The following MIPOL1 variants were observed in gnomAD, a reference collection of about 807,000 sequenced individuals.
MIPOL1 encodes mirror-image polydactyly 1.
MIPOL1 carries 57 observed loss-of-function variants against 60.9 expected under a neutral mutation model. The observed-to-expected ratio is 0.94, with a 90% CI of 0.76 to 1.17. The LOEUF (loss-of-function observed/expected upper bound fraction) is 1.17, where lower values mean the gene tolerates loss of function less well. Among genes scored for constraint, MIPOL1 ranks in the 50% most tolerant of loss-of-function variants. The pLI, the probability that MIPOL1 is intolerant of heterozygous loss-of-function variation, is 0.00. For missense variants in MIPOL1, 551 were observed against 511.6 expected (o/e 1.08, Z -0.74); for synonymous variants, 179 against 168.8 (o/e 1.06, Z -0.47).
chr14:37,489,458 A>G (rs567978070), intron 11 of MIPOL1, among the ~76,000 whole-genome samples: 3 of 152,114 alleles, frequency 2.0e-5, no homozygotes, highest in Non-Finnish European at 4.4e-5. Flanking sequence ...CTGTCAGTTC[A>G]TCAAACTCCT....
chr14:37,386,452 A>G (rs1236023084), intron 10 of MIPOL1, among the ~76,000 whole-genome samples: 1 of 151,998 alleles, frequency 6.6e-6, no homozygotes, highest in African/African-American at 2.4e-5. Context: ...TCTTTTGACA[A>G]TAAATTGATC....
intron 10 of MIPOL1, among the ~76,000 whole-genome samples, chr14:37,422,510 G>T (rs890704313): frequency 3.3e-5 from 5 of 151,892 alleles, no homozygotes; most frequent in African/African-American, 9.7e-5. Context: ...AACACCCATT[G>T]TACTTATCTC....
At chr14:37,358,201 G>C (rs528605990) in intron 9 of MIPOL1, among the ~76,000 whole-genome samples, 24 of 152,180 alleles carry the variant, frequency 1.6e-4, no homozygotes, top group African/African-American at 5.8e-4. Context: ...AGTATTCCAT[G>C]GTGTATATGT....
At chr14:37,516,081 A>G (rs17106809) in intron 12 of MIPOL1, among the ~76,000 whole-genome samples, 4,266 of 152,324 alleles carry the variant, frequency 0.028, 136 homozygotes, top group East Asian at 0.17. Context: ...ATTCAAACGC[A>G]GACTCTAAAG....
chr14:37,313,315 A>G (rs776134805), intron 9 of MIPOL1, among the ~76,000 whole-genome samples: 16 of 152,284 alleles, frequency 1.1e-4, no homozygotes, highest in Non-Finnish European at 2.1e-4. Flanking sequence ...TGGGAGATAC[A>G]GTAATTCAAG....
chr14:37,487,660 A>G (rs1231742654), intron 11 of MIPOL1, among the ~76,000 whole-genome samples: 1 of 152,132 alleles, frequency 6.6e-6, no homozygotes, highest in Non-Finnish European at 1.5e-5. Context: ...GGTAGTTTGT[A>G]TTTCTGTGGG....
intron 9 of MIPOL1, among the ~76,000 whole-genome samples, chr14:37,368,403 G>A (rs2092543671): frequency 6.6e-6 from 1 of 151,874 alleles, no homozygotes; most frequent in Non-Finnish European, 1.5e-5. Context: ...ATATGATTTG[G>A]GTCAGAGGCA....
In MIPOL1 at chr14:37,548,081, G is replaced by A. The variant is rs1284826642; in HGVS notation, c.*1110G>A. ...GATTAGACAGACGAAAGACCAAGAG[G>A]AAATGACTGTGCCTGGAACAGGATG... On this transcript the variant is annotated 3_prime_UTR_variant, in exon 13 of 13. Transcript: ENST00000684589. 6.6e-6 allele frequency: 1 copy of A among 151,972 alleles called. No homozygotes were observed. Among genetic ancestry groups the A allele is most frequent in the East Asian group, 1.9e-4 (1 of 5,196 alleles). The allele number at this position is 151,972 out of a possible 1,614,324, so 9.4% of individuals were successfully genotyped here.
At chr14:37,398,908 C>A (rs773930556) in intron 10 of MIPOL1, among the ~76,000 whole-genome samples, 4 of 152,054 alleles carry the variant, frequency 2.6e-5, no homozygotes, top group African/African-American at 7.2e-5. Context: ...TTTATGATTT[C>A]TTGGGTTTTA....
intron 12 of MIPOL1, among the ~76,000 whole-genome samples, chr14:37,541,837 A>G (rs2095530954): frequency 6.6e-6 from 1 of 152,178 alleles, no homozygotes; most frequent in South Asian, 2.1e-4. Flanking sequence ...TATGCTTATG[A>G]TCCATTCCTC....
At chr14:37,475,867 A>G (rs1160894002) in intron 11 of MIPOL1, among the ~76,000 whole-genome samples, 3 of 152,162 alleles carry the variant, frequency 2.0e-5, no homozygotes, top group Non-Finnish European at 4.4e-5. Flanking sequence ...TCAGTCCTCC[A>G]ATATTGTTCT....
chr14:37,311,805 A>G (rs1236139126), intron 9 of MIPOL1, among the ~76,000 whole-genome samples: 2 of 152,176 alleles, frequency 1.3e-5, no homozygotes, highest in Non-Finnish European at 2.9e-5. Context: ...GTACATTAGT[A>G]TCAATTCAAC....
chr14:37,347,311 A>G (rs187372639), intron 9 of MIPOL1, among the ~76,000 whole-genome samples: 4 of 152,338 alleles, frequency 2.6e-5, no homozygotes, highest in South Asian at 2.1e-4. Flanking sequence ...GACAGAATTG[A>G]AAAAGCATAC....
intron 11 of MIPOL1, among the ~76,000 whole-genome samples, chr14:37,439,744 C>T (rs2094213628): frequency 6.6e-6 from 1 of 152,132 alleles, no homozygotes; most frequent in Non-Finnish European, 1.5e-5. Context: ...TACAATGTTA[C>T]TTTACTTATA....
At chr14:37,519,939 T>G (rs77207120) in intron 12 of MIPOL1, among the ~76,000 whole-genome samples, 2,081 of 152,254 alleles carry the variant, frequency 0.014, 44 homozygotes, top group African/African-American at 0.043. Context: ...TTTGGAACCT[T>G]CACCACTTTT....
chr14:37,426,592 T>TATATATATATATATATAC (rs1358064212), intron 11 of MIPOL1, among the ~76,000 whole-genome samples: 8 of 126,652 alleles, frequency 6.3e-5, no homozygotes, highest in East Asian at 2.2e-4. Flanking sequence ...TATATATATA[T>TATATATATATATATATAC]ATACACACAC....
At chr14:37,234,023 G>T (rs1594635095) in intron 1 of MIPOL1, among the ~76,000 whole-genome samples, 1 of 152,136 alleles carries the variant, frequency 6.6e-6, no homozygotes, top group East Asian at 1.9e-4. Flanking sequence ...CTCTGTTACA[G>T]TCTTCAAAGA....
intron 11 of MIPOL1, among the ~76,000 whole-genome samples, chr14:37,429,090 G>A (rs1361133079): frequency 6.6e-6 from 1 of 152,140 alleles, no homozygotes; most frequent in Non-Finnish European, 1.5e-5. Context: ...AATCTAGACA[G>A]TTTCATCAAG....
intron 11 of MIPOL1, among the ~76,000 whole-genome samples, chr14:37,439,366 T>C (rs1380629755): frequency 6.6e-6 from 1 of 152,178 alleles, no homozygotes; most frequent in African/African-American, 2.4e-5. Flanking sequence ...AATGAACATA[T>C]TGTGTTATAT....
Sources: gnomAD v4.1 joint callset for allele counts (sites outside exome capture counted in the v4.1 genomes callset) on GRCh38, gnomAD v4.1.1 for gene constraint, MANE v1.5 for transcripts, NCBI Gene and HGNC (gene_info 2026-07-23, HGNC 2026-07-21) for gene names.